The following CFAP58 variants were observed in gnomAD, a reference collection of about 807,000 sequenced individuals.
The protein encoded by CFAP58 is cilia- and flagella-associated protein 58.
In CFAP58, 88 loss-of-function variants were observed where a neutral mutation model predicts 119.5. The observed-to-expected ratio is 0.74, with a 90% CI of 0.62 to 0.88. CFAP58 has a LOEUF of 0.88. Ranked by LOEUF, CFAP58 falls within the 40% of genes least tolerant of loss-of-function variation. The pLI is 0.00. For synonymous variants in CFAP58, 365 were observed against 366.3 expected, an observed-to-expected ratio of 1.00 and a Z score of 0.04; for missense variants, 990 against 1,021.2, an observed-to-expected ratio of 0.97 and a Z score of 0.42.
At chr10:104,358,751 C>T (rs2014629804) in intron 2 of CFAP58, 129 bp downstream of exon 2, 2 of 751,870 alleles carry the variant, frequency 2.7e-6, no homozygotes, top group Non-Finnish European at 4.0e-6. Flanking sequence ...TTCATTAAGC[C>T]TAAGGAATAA....
chr10:104,448,111 T>C (rs771950639), intron 16 of CFAP58, among the ~76,000 whole-genome samples: 1 of 152,180 alleles, frequency 6.6e-6, no homozygotes, highest in African/African-American at 2.4e-5. Flanking sequence ...GGATGAATGA[T>C]CTTGAGATGA....
chr10:104,422,129 A>C (rs1448933717), intron 15 of CFAP58, among the ~76,000 whole-genome samples: 1 of 152,002 alleles, frequency 6.6e-6, no homozygotes, highest in African/African-American at 2.4e-5. Context: ...AGTTGAGATC[A>C]CTCCACTGCA....
chr10:104,417,260 A>G (rs1382693722), intron 15 of CFAP58, among the ~76,000 whole-genome samples: 1 of 152,142 alleles, frequency 6.6e-6, no homozygotes, highest in Non-Finnish European at 1.5e-5. Context: ...TAACCTTCCT[A>G]TGCTTTGCTC....
intron 7 of CFAP58, among the ~76,000 whole-genome samples, chr10:104,372,371 A>G (rs142847905): frequency 6.6e-6 from 1 of 152,272 alleles, no homozygotes; most frequent in African/African-American, 2.4e-5. Flanking sequence ...AAAAAGAAAA[A>G]GAGAGAGAAA....
chr10:104,361,859 C>T (rs2014670628), intron 2 of CFAP58, among the ~76,000 whole-genome samples, 164 bp from the exon 3 acceptor site: 1 of 152,176 alleles, frequency 6.6e-6, no homozygotes. Context: ...TCCAGTCCTC[C>T]TCTTTCAGTG....
At chr10:104,378,665 G>A (rs150222785) in intron 8 of CFAP58, among the ~76,000 whole-genome samples, 1 of 152,124 alleles carries the variant, frequency 6.6e-6, no homozygotes, top group East Asian at 1.9e-4. Flanking sequence ...CAGTCCATAT[G>A]ACAAAAAATG....
chr10:104,416,900 A>T (rs1389874022), intron 15 of CFAP58, among the ~76,000 whole-genome samples: 1 of 152,106 alleles, frequency 6.6e-6, no homozygotes, highest in Non-Finnish European at 1.5e-5. Context: ...TGGTCATTGA[A>T]TTTATCATGT....
chr10:104,366,097 G>A lies in CFAP58; in HGVS notation c.792+89G>A, dbSNP rs2014744160. 2.5e-6 allele frequency: 3 copies of A among 1,204,046 alleles called. No individual in the cohort carries two copies. In the African/African-American group the frequency reaches 4.7e-5, roughly 19 times the overall value. The allele number at this position is 1,204,046 out of a possible 1,614,324, so 74.6% of individuals were successfully genotyped here. ...CTTTTGTGCATTTTGAATTCTCTTG[G>A]AAAGCAGCAAATTCCCTTCACTACT... On this transcript the variant is annotated intron_variant, in intron 5 of 17. Transcript: ENST00000369704.
At chr10:104,377,999 T>C (rs1204005251) in intron 8 of CFAP58, among the ~76,000 whole-genome samples, 1 of 152,266 alleles carries the variant, frequency 6.6e-6, no homozygotes, top group Non-Finnish European at 1.5e-5. Context: ...TATGTACTAA[T>C]AAACAACCAA....
intron 7 of CFAP58, among the ~76,000 whole-genome samples, chr10:104,375,076 C>T (rs1457114043): frequency 1.3e-5 from 2 of 151,478 alleles, no homozygotes; most frequent in Non-Finnish European, 2.9e-5. Flanking sequence ...AAAAACTCAA[C>T]ACCAAATGTT....
chr10:104,344,651 TA>T, the CFAP58 span, among the ~76,000 whole-genome samples: 125 of 151,300 alleles, frequency 8.3e-4, 2 homozygotes, highest in African/African-American at 3.0e-3. Flanking sequence ...TGCTAGATTC[TA>T]AAATGCAATG....
At position 104,421,583 on chromosome 10, in the gene CFAP58, GGT is replaced by G. The variant is rs1464081627; in HGVS notation, c.2256+14791_2256+14792del. Among the ~76,000 whole-genome samples, 4 of 152,242 alleles carry G rather than the reference GGT, an allele frequency of 2.6e-5. No individual in the cohort carries two copies. The East Asian group carries it at 5.8e-4, about 22-fold the overall frequency. ...TCAAGGAAGAGAGAATAGGTCTCTT[GGT>G]ACAGAAAATTCCCAGCTCAATAGAC... On this transcript the variant is annotated intron_variant, in intron 15 of 17. Coordinates refer to ENST00000369704, the MANE Select transcript of CFAP58 (RefSeq NM_001008723.2).
At chr10:104,358,242 A>G (rs2135245788) in intron 1 of CFAP58, 99 bp from the exon 2 acceptor site, 2 of 1,263,722 alleles carry the variant, frequency 1.6e-6, no homozygotes, top group South Asian at 1.5e-5. Context: ...AATTTTGCTC[A>G]TATGGAGGTG....
At chr10:104,371,647 C>G (rs2014825097) in intron 7 of CFAP58, among the ~76,000 whole-genome samples, 1 of 152,192 alleles carries the variant, frequency 6.6e-6, no homozygotes, top group African/African-American at 2.4e-5. Flanking sequence ...CCCGTCTCAC[C>G]ACATCTGGTG....
rs2012369759 is a variant in CFAP58, at chr10:104,406,805, G to T, written c.2256+12G>T. On this transcript the variant is annotated intron_variant, in intron 15 of 17. Coordinates refer to ENST00000369704, the MANE Select transcript of CFAP58 (RefSeq NM_001008723.2). ...AGCTGCTCCTCCAGGTAGCATTTTT[G>T]TTTTCTGTACTCATTGTACAAGTCC... 1 of 1,606,982 alleles carries T rather than the reference G, an allele frequency of 6.2e-7. No homozygotes were observed.
At chr10:104,362,296 G>A in intron 3 of CFAP58, 125 bp downstream of exon 3, 1 of 757,638 alleles carries the variant, frequency 1.3e-6, no homozygotes, top group Non-Finnish European at 2.0e-6. Flanking sequence ...TCTTTATTGG[G>A]TTCTTAGAGA....
intron 6 of CFAP58, 138 bp downstream of exon 6, chr10:104,368,698 A>G: frequency 1.2e-6 from 1 of 829,806 alleles, no homozygotes; most frequent in Non-Finnish European, 1.9e-6. Context: ...GTGCAAGCCT[A>G]TAGTGATTGC....
chr10:104,346,130 A>C, the CFAP58 span, among the ~76,000 whole-genome samples: 1 of 151,906 alleles, frequency 6.6e-6, no homozygotes, highest in Non-Finnish European at 1.5e-5. Context: ...CAAGAGAGGA[A>C]GCAAGAGTGA....
At chr10:104,438,348 GTTTT>G (rs759400382) in intron 15 of CFAP58, among the ~76,000 whole-genome samples, 3 of 36,740 alleles carry the variant, frequency 8.2e-5, no homozygotes, top group East Asian at 5.1e-4. Flanking sequence ...TTTGTTTTTT[GTTTT>G]TTTTTTTTGT....
Sources: gnomAD v4.1 joint callset for allele counts (sites outside exome capture counted in the v4.1 genomes callset) on GRCh38, gnomAD v4.1.1 for gene constraint, MANE v1.5 for transcripts, NCBI Gene and HGNC (gene_info 2026-07-23, HGNC 2026-07-21) for gene names.